The following ATP5PB variants were observed in gnomAD, a reference collection of about 807,000 sequenced individuals.
The protein encoded by ATP5PB is ATP synthase peripheral stalk-membrane subunit b, also known as ATP synthase peripheral stalk subunit b, mitochondrial.
ATP5PB carries 21 observed loss-of-function variants against 34.5 expected under a neutral mutation model. That is an observed-to-expected ratio of 0.61 (90% CI 0.43 to 0.88). ATP5PB has a LOEUF of 0.88. Ranked by LOEUF, ATP5PB falls within the 40% of genes least tolerant of loss-of-function variation. The probability of loss-of-function intolerance (pLI) is 0.00; values close to 1 mark genes in which losing one functional copy is unlikely to be tolerated. For synonymous variants in ATP5PB, 108 were observed against 114.1 expected (o/e 0.95, Z 0.34); for missense variants, 293 against 317.4 (o/e 0.92, Z 0.58).
chr1:111,455,579 A>G (rs918529984), intron 3 of ATP5PB, among the ~76,000 whole-genome samples: 3 of 152,254 alleles, frequency 2.0e-5, no homozygotes, highest in African/African-American at 7.2e-5. Flanking sequence ...TAGGTGCTAC[A>G]GGAATTGAGA....
Position 111,456,773 on chromosome 1 carries a change from C to T in ATP5PB, c.513+18C>T, listed in dbSNP as rs1167139363. On this transcript the variant is annotated intron_variant, in intron 5 of 6. Transcript: ENST00000369722. ...TGCAAAGGGTAGGTTTCAGAAGTTT[C>T]TAGGAAGAATGAAGTTACTTGTTGT... 2 of 1,580,898 alleles carry T rather than the reference C, an allele frequency of 1.3e-6. No homozygotes were observed. Among genetic ancestry groups the T allele is most frequent in the Non-Finnish European group, 8.6e-7 (1 of 1,167,014 alleles).
intron 3 of ATP5PB, among the ~76,000 whole-genome samples, chr1:111,455,535 G>C (rs1557800395): frequency 6.6e-6 from 1 of 152,144 alleles, no homozygotes; most frequent in Non-Finnish European, 1.5e-5. Flanking sequence ...ACATGGCCTG[G>C]TTAAAGAAAA....
intron 5 of ATP5PB, among the ~76,000 whole-genome samples, chr1:111,457,904 A>G (rs571956016): frequency 3.7e-4 from 57 of 152,390 alleles, no homozygotes; most frequent in African/African-American, 1.4e-3. Flanking sequence ...ACGTGAATGC[A>G]TGCATACATA....
At chr1:111,455,512 A>G (rs942479709) in intron 3 of ATP5PB, among the ~76,000 whole-genome samples, 1 of 152,208 alleles carries the variant, frequency 6.6e-6, no homozygotes, top group Non-Finnish European at 1.5e-5. Flanking sequence ...CATGGTTTGC[A>G]TCCTTTCAGA....
chr1:111,456,780 G>T, intron 5 of ATP5PB, 25 bp downstream of exon 5: 2 of 1,578,334 alleles, frequency 1.3e-6, no homozygotes, highest in Non-Finnish European at 1.7e-6. Flanking sequence ...TTTCTAGGAA[G>T]AATGAAGTTA....
In ATP5PB at chr1:111,456,760, G is replaced by C; in HGVS notation, c.513+5G>C. The stretch of plus-strand genomic sequence containing the variant: ...TACCTTTTTGATGTGCAAAGGGTAG[G>C]TTTCAGAAGTTTCTAGGAAGAATGA... On this transcript the variant is annotated splice_donor_5th_base_variant and intron_variant, in intron 5 of 6. Transcript: ENST00000369722. 6.3e-7 allele frequency: 1 copy of C among 1,588,652 alleles called. No homozygotes were observed. The highest frequency in any genetic ancestry group is 8.5e-7 in the Non-Finnish European group (1 of 1,171,014).
At chr1:111,450,099 C>T (rs532519120) in intron 2 of ATP5PB, among the ~76,000 whole-genome samples, 1 of 152,162 alleles carries the variant, frequency 6.6e-6, no homozygotes, top group Non-Finnish European at 1.5e-5. Flanking sequence ...TCTAACTAAA[C>T]TAGAAATTGG....
intron 4 of ATP5PB, 77 bp downstream of exon 4, chr1:111,456,326 G>T: frequency 7.2e-7 from 1 of 1,389,350 alleles, no homozygotes; most frequent in Non-Finnish European, 9.7e-7. Flanking sequence ...TTTGATATGA[G>T]TGTTAGGGGA....
intron 5 of ATP5PB, among the ~76,000 whole-genome samples, chr1:111,459,077 A>G (rs1653550279): frequency 6.6e-6 from 1 of 152,214 alleles, no homozygotes; most frequent in African/African-American, 2.4e-5. Flanking sequence ...TGAATTATAG[A>G]ATACCAGTAT....
intron 2 of ATP5PB, among the ~76,000 whole-genome samples, chr1:111,452,087 T>C (rs1189339802): frequency 1.3e-5 from 2 of 150,688 alleles, no homozygotes; most frequent in East Asian, 1.9e-4. Flanking sequence ...ACCACTGCAC[T>C]CCAGCCTGGG....
At chr1:111,457,849 T>A (rs1265565298) in intron 5 of ATP5PB, among the ~76,000 whole-genome samples, 5 of 152,222 alleles carry the variant, frequency 3.3e-5, no homozygotes, top group Non-Finnish European at 5.9e-5. Context: ...ATATTTAGGT[T>A]ACAAAGGGAG....
At chr1:111,455,026 G>A (rs980320388) in intron 3 of ATP5PB, among the ~76,000 whole-genome samples, 11 of 152,140 alleles carry the variant, frequency 7.2e-5, no homozygotes, top group Admixed American at 2.0e-4. Flanking sequence ...AAAAGGGTAC[G>A]AATAAAAATG....
intron 2 of ATP5PB, among the ~76,000 whole-genome samples, chr1:111,451,492 A>G (rs1653333345): frequency 6.6e-6 from 1 of 152,076 alleles, no homozygotes; most frequent in Non-Finnish European, 1.5e-5. Context: ...CCATACCCCC[A>G]CTAGAATGTT....
Position 111,449,476 on chromosome 1 carries a change from G to C in ATP5PB, c.-66G>C. 1 of 1,614,180 alleles carries C rather than the reference G, an allele frequency of 6.2e-7. No homozygotes were observed. Among genetic ancestry groups the C allele is most frequent in the Non-Finnish European group, 8.5e-7 (1 of 1,180,022 alleles). ...ACTTGTGAGCGGCCATCTTGGTCCTGCCCTGACAGATTCTCCTATCGGGGT... is the reference window on the plus strand; with the variant it reads ...ACTTGTGAGCGGCCATCTTGGTCCTCCCCTGACAGATTCTCCTATCGGGGT... On this transcript the variant is annotated 5_prime_UTR_variant, in exon 1 of 7. Coordinates refer to ENST00000369722, the MANE Select transcript of ATP5PB (RefSeq NM_001688.5).
chr1:111,451,176 A>G (rs1181953382), intron 2 of ATP5PB, among the ~76,000 whole-genome samples: 2 of 152,200 alleles, frequency 1.3e-5, no homozygotes, highest in African/African-American at 4.8e-5. Flanking sequence ...CAAACTTAGC[A>G]TAACCCAGAA....
chr1:111,458,203 A>G, intron 5 of ATP5PB, among the ~76,000 whole-genome samples: 1 of 152,334 alleles, frequency 6.6e-6, no homozygotes, highest in Middle Eastern at 3.4e-3. Flanking sequence ...AGAAAAATAA[A>G]CTAGTATTAA....
intron 2 of ATP5PB, among the ~76,000 whole-genome samples, chr1:111,453,046 A>G (rs1653376276): frequency 6.6e-6 from 1 of 152,226 alleles, no homozygotes; most frequent in Non-Finnish European, 1.5e-5. Context: ...ACCAAAATAA[A>G]TGAAATAATG....
chr1:111,456,328 G>T, intron 4 of ATP5PB, 79 bp downstream of exon 4: 1 of 1,374,712 alleles, frequency 7.3e-7, no homozygotes, highest in South Asian at 1.5e-5. Context: ...TGATATGAGT[G>T]TTAGGGGAGC....
chr1:111,450,719 G>A lies in ATP5PB; in HGVS notation c.77+846G>A, dbSNP rs79039322. Among the ~76,000 whole-genome samples the A allele has an allele frequency of 5.1e-3, 769 of 152,056 alleles. 3 individuals are homozygous for A. The highest frequency in any genetic ancestry group is 7.8e-3 in the Non-Finnish European group (529 of 67,986). On this transcript the variant is annotated intron_variant, in intron 2 of 6. Coordinates refer to ENST00000369722, the MANE Select transcript of ATP5PB (RefSeq NM_001688.5). ...TTAGTTCTAAAGCTTGCAAAATACG[G>A]TAACTCAAATTGAAAAAAAATGGAC...
Sources: gnomAD v4.1 joint callset for allele counts (sites outside exome capture counted in the v4.1 genomes callset) on GRCh38, gnomAD v4.1.1 for gene constraint, MANE v1.5 for transcripts, NCBI Gene and HGNC (gene_info 2026-07-23, HGNC 2026-07-21) for gene names.